CEP192: variants seen among roughly 807,000 people sequenced by gnomAD.
CEP192 encodes centrosomal protein 192, also known as centrosomal protein of 192 kDa.
In CEP192, 151 loss-of-function variants were observed where a neutral mutation model predicts 271.8. The observed-to-expected ratio is 0.56, with a 90% CI of 0.49 to 0.64. The LOEUF (loss-of-function observed/expected upper bound fraction) is 0.64, where lower values mean the gene tolerates loss of function less well. CEP192 is among the 30% of genes least tolerant of loss of function. The pLI, the probability that CEP192 is intolerant of heterozygous loss-of-function variation, is 0.00. For missense variants in CEP192, 2,910 were observed against 3,020.5 expected, an observed-to-expected ratio of 0.96 and a Z score of 0.86; for synonymous variants, 995 against 1,076.5, an observed-to-expected ratio of 0.92 and a Z score of 1.48.
At position 13,096,270 on chromosome 18, in the gene CEP192, C is replaced by G; in HGVS notation, c.6520C>G (p.Leu2174Val). ...RFELCWPAHC[L>V]TVTPQHGCVA... ...TGAGCTGTGCTGGCCAGCGCATTGC[C>G]TCACAGTCACGCCGCAGCATGGATG... is the stretch of plus-strand genomic sequence containing the variant. The change falls in exon 36 of 45, where the codon CTC becomes GTC. Residue 2174 changes from leucine (L) to valine (V), a missense_variant. Coordinates refer to ENST00000506447, the MANE Select transcript of CEP192 (RefSeq NM_032142.4). 1 of 1,613,976 alleles carries G rather than the reference C, an allele frequency of 6.2e-7. No individual in the cohort carries two copies. The highest frequency in any genetic ancestry group is 1.1e-5 in the South Asian group (1 of 91,082).
chr18:13,001,331 A>G (rs2033630018), intron 2 of CEP192, 126 bp from the exon 3 acceptor site: 2 of 616,436 alleles, frequency 3.2e-6, no homozygotes, highest in East Asian at 2.8e-5. Flanking sequence ...GATGGTTTGA[A>G]ATACAGGGGC....
chr18:13,110,925 CCTT>C (rs1168841664), intron 40 of CEP192, among the ~76,000 whole-genome samples: 1 of 152,226 alleles, frequency 6.6e-6, no homozygotes, highest in African/African-American at 2.4e-5. Context: ...GGTTATCCCA[CCTT>C]CTTCCACCTG....
intron 9 of CEP192, among the ~76,000 whole-genome samples, chr18:13,024,692 A>G (rs2035191035): frequency 6.6e-6 from 1 of 151,956 alleles, no homozygotes; most frequent in Admixed American, 6.6e-5. Flanking sequence ...TGATCTCCTG[A>G]CCTCATGATC....
chr18:13,068,831 A>G, intron 24 of CEP192, 21 bp from the exon 25 acceptor site: 1 of 1,614,130 alleles, frequency 6.2e-7, no homozygotes, highest in Non-Finnish European at 8.5e-7. Context: ...CTCCAAGCTA[A>G]AAGAATGAAC....
intron 8 of CEP192, 131 bp from the exon 9 acceptor site, chr18:13,018,951 A>AG: frequency 1.2e-6 from 1 of 818,540 alleles, no homozygotes; most frequent in South Asian, 2.1e-5. Context: ...CTCTACGAAA[A>AG]TGGCTAAATT....
At chr18:13,025,836 C>A (rs1311262336) in intron 9 of CEP192, among the ~76,000 whole-genome samples, 2 of 152,112 alleles carry the variant, frequency 1.3e-5, no homozygotes, top group Admixed American at 1.3e-4. Flanking sequence ...TGTATACATA[C>A]ACGTAAGCAT....
chr18:13,028,712 G>GT (rs2035447774), intron 9 of CEP192, among the ~76,000 whole-genome samples: 1 of 152,024 alleles, frequency 6.6e-6, no homozygotes, highest in Non-Finnish European at 1.5e-5. Flanking sequence ...TAGAGATGGG[G>GT]TTTCACCATG....
In CEP192 at chr18:13,019,081, G is replaced by T. The variant is rs1229555244; in HGVS notation, c.926-1G>T. Reference sequence around the variant, plus strand: ...TTTAACATTTTTCTTTATTTTTTCAGGTAATTCTATAGGTACTGGAGATAG... The same window carrying T: ...TTTAACATTTTTCTTTATTTTTTCATGTAATTCTATAGGTACTGGAGATAG... On this transcript the variant is annotated splice_acceptor_variant, in intron 8 of 44. Coordinates refer to ENST00000506447, the MANE Select transcript of CEP192 (RefSeq NM_032142.4). LOFTEE classifies it high-confidence loss of function. 1.3e-6 allele frequency: 2 copies of T among 1,526,004 alleles called. No individual in the cohort carries two copies. Among genetic ancestry groups the T allele is most frequent in the East Asian group, 2.5e-5 (1 of 40,018 alleles). 94.5% of individuals were successfully genotyped at this position (1,526,004 alleles called of 1,614,324 possible).
chr18:13,056,629 T>C lies in CEP192; in HGVS notation c.4039T>C (p.Phe1347Leu). ...GAACCTGCTAAGCACAACAAAACCTTTTCCTGTGCCGTCTGTTGGTACAAA... is the reference window on the plus strand; with the variant it reads ...GAACCTGCTAAGCACAACAAAACCTCTTCCTGTGCCGTCTGTTGGTACAAA... ...NQNLLSTTKPFPVPSVGTNCG... is the reference protein window; with the variant it reads ...NQNLLSTTKPLPVPSVGTNCG... The change falls in exon 19 of 45, where the codon TTT (phenylalanine) becomes CTT (leucine). Residue 1347 changes from phenylalanine (F) to leucine (L), a missense_variant. Phe to Leu is a conservative substitution (Grantham distance 22, BLOSUM62 0). Transcript: ENST00000506447. 3.1e-6 allele frequency: 5 copies of C among 1,614,148 alleles called. No homozygotes were observed. The highest frequency in any genetic ancestry group is 4.2e-6 in the Non-Finnish European group (5 of 1,179,978).
intron 6 of CEP192, 136 bp downstream of exon 6, chr18:13,015,584 T>A: frequency 1.4e-6 from 1 of 713,914 alleles, no homozygotes; most frequent in South Asian, 1.7e-5. Flanking sequence ...AGCACTCAAA[T>A]GGCCACTTCT....
At position 12,999,497 on chromosome 18, in the gene CEP192, G is replaced by A; in HGVS notation, c.73G>A (p.Gly25Arg). The A allele has an allele frequency of 1.3e-6, 2 of 1,550,694 alleles. No individual in the cohort carries two copies. The highest frequency in any genetic ancestry group is 1.7e-6 in the Non-Finnish European group (2 of 1,146,540). ...CACCAATTCATTATTTGGTAACAGT[G>A]GGATTTTGGAAAATGTCACTCTTTC... Reference protein sequence around the residue: ...FLTNSLFGNSGILENVTLSSN... With the variant: ...FLTNSLFGNSRILENVTLSSN... Residue 25 changes from glycine (G) to arginine (R), a missense_variant, in exon 2 of 45, where the codon GGG becomes AGG. Transcript: ENST00000506447.
chr18:13,052,219 T>G (rs989617121), intron 17 of CEP192, among the ~76,000 whole-genome samples: 6 of 152,216 alleles, frequency 3.9e-5, no homozygotes, highest in Admixed American at 6.5e-5. Flanking sequence ...CTTCCTGATC[T>G]TTTCATTTTA....
At position 13,069,783 on chromosome 18, in the gene CEP192, C is replaced by G. The variant is rs6505780; in HGVS notation, c.5101C>G (p.Leu1701Val). ...SHFSVDPKNL[L>V]LKPGEEHEVI... ...CTTTTCAGTGGATCCAAAGAATCTA[C>G]TCCTTAAACCTGGAGAAGAACATGA... The change falls in exon 27 of 45, where the codon CTC (leucine) becomes GTC (valine). Residue 1701 changes from leucine to valine, a missense_variant. Coordinates refer to ENST00000506447, the MANE Select transcript of CEP192 (RefSeq NM_032142.4). The G allele has an allele frequency of 6.3e-7, 1 of 1,598,972 alleles. No individual in the cohort carries two copies. The highest frequency in any genetic ancestry group is 8.6e-7 in the Non-Finnish European group (1 of 1,166,778).
chr18:13,031,595 A>G (rs929321270), intron 11 of CEP192, among the ~76,000 whole-genome samples: 4 of 152,082 alleles, frequency 2.6e-5, no homozygotes, highest in Admixed American at 1.3e-4. Flanking sequence ...AAGTTATCCC[A>G]TCTACTGCTT....
intron 30 of CEP192, among the ~76,000 whole-genome samples, chr18:13,086,391 G>A (rs1034920460): frequency 6.6e-6 from 1 of 152,150 alleles, no homozygotes; most frequent in African/African-American, 2.4e-5. Flanking sequence ...TTGCCTGATT[G>A]CCTTGGCCAA....
At position 13,018,608 on chromosome 18, in the gene CEP192, TG is replaced by T; in HGVS notation, c.921del (p.Thr308LeufsTer5). The part of the protein sequence containing the change: ...SEESQVICLP[G>X]TSNSIGTGDS... ...AGGAAAGCCAAGTTATTTGTCTACC[TG>T]GGACTAGTAAGTATAGAAATATGAT... is the stretch of plus-strand genomic sequence containing the variant. On this transcript the variant is annotated frameshift_variant, in exon 8 of 45. Transcript: ENST00000506447. LOFTEE classifies it high-confidence loss of function. 6.6e-7 allele frequency: 1 copy of T among 1,525,928 alleles called. No individual in the cohort carries two copies. Among genetic ancestry groups the T allele is most frequent in the East Asian group, 2.5e-5 (1 of 40,470 alleles). The allele number at this position is 1,525,928 out of a possible 1,614,324, so 94.5% of individuals were successfully genotyped here. A position where few individuals can be genotyped will look rare whatever the true frequency, so the allele number is the denominator to read the frequency against.
intron 36 of CEP192, among the ~76,000 whole-genome samples, chr18:13,096,661 C>T (rs185589367): frequency 9.9e-5 from 15 of 152,272 alleles, no homozygotes; most frequent in African/African-American, 2.4e-4. Context: ...TGAGGGGTCG[C>T]GATGTGTCCC....
intron 40 of CEP192, among the ~76,000 whole-genome samples, chr18:13,108,049 A>T (rs1471186061): frequency 6.6e-6 from 1 of 152,194 alleles, no homozygotes; most frequent in African/African-American, 2.4e-5. Flanking sequence ...AGCAATGGGG[A>T]AAGGACTCCT....
rs2039653871 is a variant in CEP192, at chr18:13,100,497, C to A, written c.6856C>A (p.Pro2286Thr). The A allele has an allele frequency of 1.2e-6, 2 of 1,611,854 alleles. No individual in the cohort carries two copies. Among genetic ancestry groups the A allele is most frequent in the Non-Finnish European group, 1.7e-6 (2 of 1,178,546 alleles). The change falls in exon 38 of 45, where the codon CCT becomes ACT. Residue 2286 changes from proline to threonine, a missense_variant. Transcript: ENST00000506447. Reference protein sequence around the residue: ...NKSITFPTTEPGETSESCLEL... With the variant: ...NKSITFPTTETGETSESCLEL... ...GAGTATTACTTTTCCTACAACAGAA[C>A]CTGGTGAAACTTCAGGTATTGTATC...
Sources: allele counts gnomAD v4.1 joint callset (sites outside exome capture counted in the v4.1 genomes callset), GRCh38; gene constraint gnomAD v4.1.1; transcripts MANE v1.5; gene names NCBI Gene and HGNC (gene_info 2026-07-23, HGNC 2026-07-21).